CNTN5: variants seen among roughly 807,000 people sequenced by gnomAD.
CNTN5 encodes the protein contactin-5.
Under a neutral mutation model 129.1 loss-of-function variants are expected in CNTN5, and 77 were observed. The ratio of observed to expected loss-of-function variants is 0.60; its 90% confidence interval spans 0.50 to 0.72. CNTN5 has a LOEUF of 0.72. CNTN5 is among the 30% of genes least tolerant of loss of function. The pLI is 0.00. For missense variants in CNTN5, 1,478 were observed against 1,328.8 expected (o/e 1.11, Z -1.75); for synonymous variants, 509 against 465.6 (o/e 1.09, Z -1.20).
chr11:99,152,217 TAATATTTGAACAATATGATTCACCA>T (rs1303024493), intron 1 of CNTN5, among the ~76,000 whole-genome samples: 1 of 152,222 alleles, frequency 6.6e-6, no homozygotes, highest in East Asian at 1.9e-4. Context: ...ACACTTTCTA[TAATATTTGAACAATATGATTCACCA>T]ATTTTCTGTT....
chr11:99,281,468 C>G (rs371728129), intron 1 of CNTN5, among the ~76,000 whole-genome samples: 3 of 151,998 alleles, frequency 2.0e-5, no homozygotes, highest in African/African-American at 7.2e-5. Context: ...TCCAGAGCAT[C>G]TTATCCATAG....
At chr11:100,191,288 G>A in intron 14 of CNTN5, 35 bp downstream of exon 14, 1 of 1,567,704 alleles carries the variant, frequency 6.4e-7, no homozygotes. Context: ...TACAAGCATA[G>A]TCTCATGGTC....
At chr11:100,105,892 ACT>A (rs1436716125) in intron 13 of CNTN5, among the ~76,000 whole-genome samples, 1 of 152,038 alleles carries the variant, frequency 6.6e-6, no homozygotes, top group Non-Finnish European at 1.5e-5. Flanking sequence ...AAGGGAAACA[ACT>A]CTTAGTCAAA....
chr11:99,953,391 A>G (rs745772677), intron 7 of CNTN5, among the ~76,000 whole-genome samples: 2 of 152,216 alleles, frequency 1.3e-5, no homozygotes, highest in Non-Finnish European at 2.9e-5. Context: ...AGGGCAGGAG[A>G]CAGCTAACCT....
rs556721787 is a variant in CNTN5 at position 99,404,618 on chromosome 11, A to G, written c.-71+79134A>G. Among the ~76,000 whole-genome samples, 30 of 152,300 alleles carry G rather than the reference A, an allele frequency of 2.0e-4. 1 individual carries two copies. Among genetic ancestry groups the G allele is most frequent in the Admixed American group, 1.4e-3 (22 of 15,300 alleles). Reference sequence around the variant, plus strand: ...AACTTAACACTATTTGCATAAAGGAACAAGCTAAAACAAGGCTAGTAAAGA... The same window carrying G: ...AACTTAACACTATTTGCATAAAGGAGCAAGCTAAAACAAGGCTAGTAAAGA... On this transcript the variant is annotated intron_variant, in intron 2 of 24. Coordinates refer to ENST00000524871, the MANE Select transcript of CNTN5 (RefSeq NM_014361.4).
At chr11:99,141,837 T>C (rs1859530508) in intron 1 of CNTN5, among the ~76,000 whole-genome samples, 1 of 152,236 alleles carries the variant, frequency 6.6e-6, no homozygotes, top group Admixed American at 6.5e-5. Flanking sequence ...TTTCCATTTT[T>C]ATTGTGCTGT....
intron 7 of CNTN5, among the ~76,000 whole-genome samples, chr11:99,953,164 T>A (rs1950716647): frequency 6.6e-6 from 1 of 152,226 alleles, no homozygotes; most frequent in African/African-American, 2.4e-5. Context: ...CACACTTTTT[T>A]TTTGTTAATG....
chr11:100,337,548 G>A, intron 21 of CNTN5: 1 of 743,514 alleles, frequency 1.3e-6, no homozygotes, highest in Non-Finnish European at 2.5e-6. Context: ...CAAGCAAGCT[G>A]TGGATTTTCT....
intron 2 of CNTN5, among the ~76,000 whole-genome samples, chr11:99,554,198 A>G (rs1331405086): frequency 6.6e-6 from 1 of 152,018 alleles, no homozygotes; most frequent in Non-Finnish European, 1.5e-5. Context: ...CTCACCTTCT[A>G]TCCTCCGGTC....
At chr11:99,424,237 A>G (rs1423054050) in intron 2 of CNTN5, among the ~76,000 whole-genome samples, 1 of 152,240 alleles carries the variant, frequency 6.6e-6, no homozygotes, top group Non-Finnish European at 1.5e-5. Flanking sequence ...CCTGAAGACA[A>G]GCACTACAAT....
chr11:99,126,079 C>A (rs534366434), intron 1 of CNTN5, among the ~76,000 whole-genome samples: 1 of 152,194 alleles, frequency 6.6e-6, no homozygotes, highest in Admixed American at 6.5e-5. Context: ...TTAACCAGGG[C>A]TGCGATTTTG....
chr11:100,103,117 C>T (rs150315024), intron 13 of CNTN5, among the ~76,000 whole-genome samples: 1,746 of 152,288 alleles, frequency 0.011, 38 homozygotes, highest in African/African-American at 0.039. Flanking sequence ...ATTCTGCATG[C>T]AGGCTGTACA....
chr11:100,250,181 C>T (rs1021057143), intron 16 of CNTN5, among the ~76,000 whole-genome samples: 4 of 151,926 alleles, frequency 2.6e-5, no homozygotes, highest in African/African-American at 9.7e-5. Context: ...GCTTGTCTGT[C>T]ATTTTTATTA....
At chr11:99,507,717 C>T (rs962142395) in intron 2 of CNTN5, among the ~76,000 whole-genome samples, 2 of 152,148 alleles carry the variant, frequency 1.3e-5, no homozygotes, top group African/African-American at 4.8e-5. Context: ...ATTTTAACCT[C>T]ACAAGTGTGA....
intron 2 of CNTN5, among the ~76,000 whole-genome samples, chr11:99,422,953 C>T (rs1942965651): frequency 6.6e-6 from 1 of 152,084 alleles, no homozygotes; most frequent in Non-Finnish European, 1.5e-5. Flanking sequence ...CAGAAATCCT[C>T]TCTACAAAGA....
intron 21 of CNTN5, among the ~76,000 whole-genome samples, chr11:100,320,455 G>A (rs895704494): frequency 6.6e-6 from 1 of 152,218 alleles, no homozygotes; most frequent in Middle Eastern, 3.4e-3. Context: ...CTTATCAAAT[G>A]TAGAGTTTGC....
At chr11:99,297,306 A>C (rs1263458640) in intron 1 of CNTN5, among the ~76,000 whole-genome samples, 2 of 152,304 alleles carry the variant, frequency 1.3e-5, no homozygotes, top group East Asian at 3.9e-4. Context: ...GCTGCTTCTC[A>C]GTAGCAAAGG....
rs756806886 is a variant in CNTN5, at chr11:99,819,692, C to G, written c.204C>G (p.Ser68Arg). The part of the protein sequence containing the change: ...SLGTLSASSP[S>R]WLGAAQNYYS... ...GAACACTGAGTGCTTCTTCACCCAG[C>G]TGGCTAGGGGCAGCTCAGAATTATT... The change falls in exon 4 of 25, where the codon AGC (serine) becomes AGG (arginine). Residue 68 changes from serine to arginine, a missense_variant. By Grantham distance (110) the Ser-to-Arg change is moderately radical. Coordinates refer to ENST00000524871, the MANE Select transcript of CNTN5 (RefSeq NM_014361.4). The G allele has an allele frequency of 1.2e-6, 2 of 1,612,916 alleles. No individual in the cohort carries two copies. Among genetic ancestry groups the G allele is most frequent in the Non-Finnish European group, 1.7e-6 (2 of 1,179,820 alleles).
chr11:99,137,847 A>C (rs4753941), intron 1 of CNTN5, among the ~76,000 whole-genome samples: 136,675 of 151,934 alleles, frequency 0.9, 61,681 homozygotes, highest in East Asian at 0.99. Context: ...GATTAAAGTA[A>C]GGGTATTTCT....
Sources: allele counts gnomAD v4.1 joint callset (sites outside exome capture counted in the v4.1 genomes callset), GRCh38; gene constraint gnomAD v4.1.1; transcripts MANE v1.5; gene names NCBI Gene and HGNC (gene_info 2026-07-23, HGNC 2026-07-21).